Variants in VPS13C observed in about 807,000 individuals in gnomAD.
VPS13C encodes the protein vacuolar protein sorting 13 homolog C, also known as intermembrane lipid transfer protein VPS13C.
A neutral mutation model predicts 456.8 loss-of-function variants in VPS13C; 358 were observed. The ratio of observed to expected loss-of-function variants is 0.78; its 90% CI spans 0.72 to 0.86. VPS13C has a LOEUF of 0.86. Ranked by LOEUF, VPS13C falls within the 40% of genes least tolerant of loss-of-function variation. The probability of loss-of-function intolerance (pLI) is 0.00; values close to 1 mark genes in which losing one functional copy is unlikely to be tolerated. For synonymous variants in VPS13C, 1,578 were observed against 1,486.7 expected, an observed-to-expected ratio of 1.06 and a Z score of -1.41; for missense variants, 4,818 against 4,385.4, an observed-to-expected ratio of 1.10 and a Z score of -2.79.
chr15:61,869,781 T>C (rs183241979), intron 79 of VPS13C, among the ~76,000 whole-genome samples, 158 bp from the exon 80 acceptor site: 8 of 152,332 alleles, frequency 5.3e-5, no homozygotes, highest in Admixed American at 2.0e-4. Flanking sequence ...TGTGATAAAA[T>C]AGTGGTTTCT....
chr15:61,976,999 T>A, intron 24 of VPS13C, 83 bp downstream of exon 24: 1 of 970,766 alleles, frequency 1.0e-6, no homozygotes, highest in Non-Finnish European at 1.6e-6. Flanking sequence ...CAGAAATCTA[T>A]CTTTGCTTCC....
chr15:61,877,286 T>TC (rs929890144), intron 74 of VPS13C, among the ~76,000 whole-genome samples: 1 of 151,930 alleles, frequency 6.6e-6, no homozygotes, highest in African/African-American at 2.4e-5. Flanking sequence ...TCAACCATCA[T>TC]CCCATCACAT....
intron 6 of VPS13C, among the ~76,000 whole-genome samples, chr15:62,026,528 G>A (rs766249166): frequency 5.9e-5 from 9 of 152,054 alleles, no homozygotes; most frequent in Non-Finnish European, 1.2e-4. Flanking sequence ...AATACTGCCA[G>A]TTCCTTTTCC....
At chr15:61,929,857 CTG>C in intron 50 of VPS13C, 109 bp from the exon 51 acceptor site, 1 of 1,151,686 alleles carries the variant, frequency 8.7e-7, no homozygotes, top group Non-Finnish European at 1.2e-6. Context: ...AGTTTCTAAT[CTG>C]TATAGAAAAC....
intron 3 of VPS13C, among the ~76,000 whole-genome samples, chr15:62,035,679 T>C (rs1380673911): frequency 6.6e-6 from 1 of 152,000 alleles, no homozygotes; most frequent in Non-Finnish European, 1.5e-5. Context: ...GCATACGGTA[T>C]TATGAATAGT....
intron 38 of VPS13C, among the ~76,000 whole-genome samples, 173 bp from the exon 39 acceptor site, chr15:61,952,153 T>TATAAGTAGCACAA (rs2044822951): frequency 6.6e-6 from 1 of 152,210 alleles, no homozygotes; most frequent in South Asian, 2.1e-4. Context: ...CCTAGTCTGA[T>TATAAGTAGCACAA]GGACAGCCTT....
At position 61,978,484 on chromosome 15, in the gene VPS13C, C is replaced by G. The variant is rs2045778030; in HGVS notation, c.2290+142G>C. 4 of 996,742 alleles carry G rather than the reference C, an allele frequency of 4.0e-6. No homozygotes were observed. In the South Asian group the frequency reaches 8.2e-5, roughly 20 times the overall value. The allele number at this position is 996,742 out of a possible 1,614,324, so 61.7% of individuals were successfully genotyped here. ...TGTAGTAATTTACACTGATAGTGTC[C>G]TACATGGTTTATTTAAGCAGCCAAA... On this transcript the variant is annotated intron_variant, in intron 23 of 84. Coordinates refer to ENST00000644861, the MANE Select transcript of VPS13C (RefSeq NM_020821.3).
At chr15:61,944,959 T>C (rs1396345345) in intron 45 of VPS13C, among the ~76,000 whole-genome samples, 1 of 152,148 alleles carries the variant, frequency 6.6e-6, no homozygotes, top group Non-Finnish European at 1.5e-5. Context: ...TCATCTCGAA[T>C]TGTAATCCCC....
chr15:61,859,536 T>C (rs182671252), intron 82 of VPS13C, among the ~76,000 whole-genome samples: 3 of 152,230 alleles, frequency 2.0e-5, no homozygotes, highest in Admixed American at 2.0e-4. Flanking sequence ...CAAAGTGCCA[T>C]ACTATTGTAT....
intron 2 of VPS13C, 147 bp downstream of exon 2, chr15:62,044,065 T>C (rs2048326588): frequency 1.9e-6 from 1 of 528,096 alleles, no homozygotes; most frequent in South Asian, 2.7e-5. Context: ...TAATCTCAGA[T>C]TTTCCAACAG....
intron 5 of VPS13C, among the ~76,000 whole-genome samples, chr15:62,033,077 T>C (rs1159486986): frequency 6.6e-6 from 1 of 151,636 alleles, no homozygotes; most frequent in East Asian, 1.9e-4. Flanking sequence ...GCATTATGCT[T>C]AACCTCATTA....
chr15:61,887,158 A>G (rs1896330188), intron 67 of VPS13C, among the ~76,000 whole-genome samples: 1 of 152,238 alleles, frequency 6.6e-6, no homozygotes, highest in South Asian at 2.1e-4. Context: ...GAATCAACCA[A>G]AAAATCCTTG....
intron 40 of VPS13C, among the ~76,000 whole-genome samples, 160 bp downstream of exon 40, chr15:61,950,785 T>A (rs1001871666): frequency 1.3e-5 from 2 of 152,020 alleles, no homozygotes; most frequent in African/African-American, 4.8e-5. Context: ...CTCAGAAGGT[T>A]AATGAAAGTA....
At chr15:61,897,313 A>G (rs2042855171) in intron 66 of VPS13C, among the ~76,000 whole-genome samples, 1 of 152,206 alleles carries the variant, frequency 6.6e-6, no homozygotes, top group Non-Finnish European at 1.5e-5. Context: ...TGAGCTACGG[A>G]AGGACATTAA....
rs1233155658 is a variant in VPS13C at position 61,862,007 on chromosome 15, C to T, written c.10952+1433G>A. On this transcript the variant is annotated intron_variant, in intron 82 of 84. Coordinates refer to ENST00000644861, the MANE Select transcript of VPS13C (RefSeq NM_020821.3). ...CCCAGCTACTGGGGAGGCTGAGGCA[C>T]GAGAATCACTTGAACCCAGGAGGCA... Among the ~76,000 whole-genome samples the T allele has an allele frequency of 2.7e-4, 41 of 151,720 alleles. 1 individual carries two copies. Among genetic ancestry groups the T allele is most frequent in the Admixed American group, 2.6e-3 (40 of 15,238 alleles).
intron 45 of VPS13C, among the ~76,000 whole-genome samples, chr15:61,942,481 T>C (rs996155611): frequency 2.0e-5 from 3 of 151,462 alleles, no homozygotes; most frequent in African/African-American, 7.3e-5. Flanking sequence ...TCTGTACTGC[T>C]AGGCCACAGC....
intron 1 of VPS13C, among the ~76,000 whole-genome samples, chr15:62,047,296 T>C (rs941162222): frequency 2.6e-5 from 4 of 151,886 alleles, no homozygotes; most frequent in Non-Finnish European, 5.9e-5. Context: ...GGCATGGGCA[T>C]GGTGGCATGA....
intron 6 of VPS13C, 137 bp downstream of exon 6, chr15:62,028,221 G>A (rs1221749142): frequency 1.3e-6 from 1 of 771,838 alleles, no homozygotes; most frequent in African/African-American, 1.8e-5. Flanking sequence ...AGGAAATGAT[G>A]GTAGAGGGGG....
chr15:61,969,431 G>A lies in VPS13C; in HGVS notation c.2779C>T (p.Gln927Ter). 1 of 1,547,350 alleles carries A rather than the reference G, an allele frequency of 6.5e-7. No homozygotes were observed. The highest frequency in any genetic ancestry group is 8.7e-7 in the Non-Finnish European group (1 of 1,144,944). The change falls in exon 28 of 85, where the codon CAG (glutamine) becomes TAG (stop). Residue 927 changes from glutamine to a stop codon, truncating the protein, a stop_gained. Transcript: ENST00000644861. LOFTEE classifies it high-confidence loss of function. ...IKEVILEFTK[Q>*]QKEEDTILVF... Reference sequence around the variant, plus strand: ...AGAATTGTATCTTCTTCTTTCTGCTGTTTAGTAAATTCCAAAATCACCTAA... The same window carrying A: ...AGAATTGTATCTTCTTCTTTCTGCTATTTAGTAAATTCCAAAATCACCTAA...
Sources: allele counts gnomAD v4.1 joint callset (sites outside exome capture counted in the v4.1 genomes callset), GRCh38; gene constraint gnomAD v4.1.1; transcripts MANE v1.5; gene names NCBI Gene and HGNC (gene_info 2026-07-23, HGNC 2026-07-21).